The following SNX18 variants were observed in gnomAD, a reference collection of about 807,000 sequenced individuals.
The protein encoded by SNX18 is sorting nexin 18.
A neutral mutation model predicts 48.7 loss-of-function variants in SNX18; 35 were observed. The ratio of observed to expected loss-of-function variants is 0.72; its 90% CI spans 0.55 to 0.95. The LOEUF (loss-of-function observed/expected upper bound fraction) is 0.95. SNX18 is among the 40% of genes least tolerant of loss of function. The pLI, the probability that SNX18 is intolerant of heterozygous loss-of-function variation, is 0.00. For missense variants in SNX18, 824 were observed against 871.0 expected (o/e 0.95, Z 0.68); for synonymous variants, 492 against 384.7 (o/e 1.28, Z -3.26).
At chr5:54,594,015 T>C in the SNX18 span, among the ~76,000 whole-genome samples, 2 of 152,140 alleles carry the variant, frequency 1.3e-5, no homozygotes, top group Non-Finnish European at 2.9e-5. Context: ...AAACAGATAA[T>C]TGCCATAAAA....
At chr5:54,617,095 C>T in the SNX18 span, among the ~76,000 whole-genome samples, 1 of 152,182 alleles carries the variant, frequency 6.6e-6, no homozygotes, top group East Asian at 1.9e-4. Context: ...TAAACAACTT[C>T]GTCAAAGGCC....
intron 1 of SNX18, among the ~76,000 whole-genome samples, chr5:54,527,952 T>TC: frequency 6.6e-6 from 1 of 152,182 alleles, no homozygotes; most frequent in East Asian, 1.9e-4. Context: ...ATGGATGAAG[T>TC]CATTAACATG....
At chr5:54,634,269 G>A in the SNX18 span, among the ~76,000 whole-genome samples, 2 of 152,092 alleles carry the variant, frequency 1.3e-5, no homozygotes, top group Non-Finnish European at 2.9e-5. Context: ...AGAGTGGGGT[G>A]GAAGAAGAAT....
the SNX18 span, among the ~76,000 whole-genome samples, chr5:54,625,407 G>A: frequency 4.6e-5 from 7 of 152,190 alleles, no homozygotes; most frequent in Non-Finnish European, 8.8e-5. Context: ...CGCTCGTATG[G>A]CTGTTGGCAG....
chr5:54,586,295 C>G, the SNX18 span, among the ~76,000 whole-genome samples: 2 of 152,304 alleles, frequency 1.3e-5, no homozygotes, highest in East Asian at 1.9e-4. Flanking sequence ...CCTCTAGCCA[C>G]CAAGTCCTTC....
intron 1 of SNX18, among the ~76,000 whole-genome samples, chr5:54,529,639 T>TC (rs761691634): frequency 6.6e-6 from 1 of 151,620 alleles, no homozygotes; most frequent in Non-Finnish European, 1.5e-5. Flanking sequence ...TTTTTTTTTT[T>TC]CCACTAGAAA....
chr5:54,545,227 T>C lies in SNX18; in HGVS notation c.*1795T>C, dbSNP rs1428287706. 2.0e-5 allele frequency: 3 copies of C among 152,170 alleles called. No individual in the cohort carries two copies. The highest frequency in any genetic ancestry group is 4.4e-5 in the Non-Finnish European group (3 of 68,006). 9.4% of individuals were successfully genotyped at this position (152,170 alleles called of 1,614,324 possible). On this transcript the variant is annotated 3_prime_UTR_variant, in exon 2 of 2. Transcript: ENST00000381410. ...CCAAATATGTTGTCTCTAAAACTTG[T>C]TGATTGCAAAATACAGTTCTATAAA...
At chr5:54,530,548 A>G (rs925339941) in intron 1 of SNX18, among the ~76,000 whole-genome samples, 1 of 152,160 alleles carries the variant, frequency 6.6e-6, no homozygotes, top group Non-Finnish European at 1.5e-5. Flanking sequence ...TTTCAAACCA[A>G]AGAGTGACGT....
the SNX18 span, among the ~76,000 whole-genome samples, chr5:54,625,133 A>T: frequency 2.6e-5 from 4 of 152,190 alleles, no homozygotes; most frequent in Admixed American, 2.0e-4. Flanking sequence ...TGATTTCCCC[A>T]TTCTCAGGCC....
chr5:54,619,502 ACC>A, the SNX18 span, among the ~76,000 whole-genome samples: 5 of 152,092 alleles, frequency 3.3e-5, no homozygotes, highest in African/African-American at 9.7e-5. Context: ...ACAGAGCAAG[ACC>A]CTGTCTCAAA....
the SNX18 span, among the ~76,000 whole-genome samples, chr5:54,635,445 C>T: frequency 6.6e-6 from 1 of 152,124 alleles, no homozygotes; most frequent in Admixed American, 6.6e-5. Flanking sequence ...AAAATCAGTG[C>T]CTCTGATCTT....
chr5:54,625,073 G>A, the SNX18 span, among the ~76,000 whole-genome samples: 2 of 152,152 alleles, frequency 1.3e-5, no homozygotes, highest in Non-Finnish European at 2.9e-5. Context: ...GCTTAAGTGG[G>A]ATGTTATAAT....
At chr5:54,633,472 T>C in the SNX18 span, among the ~76,000 whole-genome samples, 3 of 152,158 alleles carry the variant, frequency 2.0e-5, no homozygotes, top group Non-Finnish European at 4.4e-5. Flanking sequence ...GGGTTAAACA[T>C]AGGACCCCAC....
At chr5:54,601,469 T>G in the SNX18 span, among the ~76,000 whole-genome samples, 3 of 152,212 alleles carry the variant, frequency 2.0e-5, no homozygotes, top group African/African-American at 7.2e-5. Flanking sequence ...TTTGTTTTAC[T>G]GCTTGCTTTG....
the SNX18 span, among the ~76,000 whole-genome samples, chr5:54,576,080 C>A: frequency 6.6e-6 from 1 of 152,082 alleles, no homozygotes; most frequent in Admixed American, 6.5e-5. Flanking sequence ...ATTAGATCGA[C>A]CCAAGGATCC....
chr5:54,623,744 CT>C, the SNX18 span, among the ~76,000 whole-genome samples: 33 of 152,290 alleles, frequency 2.2e-4, no homozygotes, highest in African/African-American at 7.0e-4. Context: ...TAGATAAATA[CT>C]GTCCTATTGC....
chr5:54,522,704 C>T (rs77638059), intron 1 of SNX18, among the ~76,000 whole-genome samples: 11,257 of 152,088 alleles, frequency 0.074, 500 homozygotes, highest in East Asian at 0.17. Flanking sequence ...ACATTGGTTA[C>T]GGGATGGATG....
the SNX18 span, among the ~76,000 whole-genome samples, chr5:54,603,232 ATAT>A: frequency 5.7e-5 from 1 of 17,682 alleles, no homozygotes; most frequent in Non-Finnish European, 1.0e-4. Context: ...TTATTTAAAA[ATAT>A]ATATATATAT....
chr5:54,568,607 G>A, the SNX18 span, among the ~76,000 whole-genome samples: 2 of 152,136 alleles, frequency 1.3e-5, no homozygotes, highest in South Asian at 2.1e-4. Flanking sequence ...CAAAGAAAGT[G>A]CCCGAACCTC....
Sources: gnomAD v4.1 joint callset for allele counts (sites outside exome capture counted in the v4.1 genomes callset) on GRCh38, gnomAD v4.1.1 for gene constraint, MANE v1.5 for transcripts, NCBI Gene and HGNC (gene_info 2026-07-23, HGNC 2026-07-21) for gene names.